FAF1: variants seen among roughly 807,000 people sequenced by gnomAD.
FAF1 encodes Fas associated factor 1.
In FAF1, 25 loss-of-function variants were observed where a neutral mutation model predicts 92.5. The ratio of observed to expected loss-of-function variants is 0.27; its 90% CI spans 0.20 to 0.38. FAF1 has a LOEUF of 0.38. Ranked by LOEUF, FAF1 falls within the 10% of genes least tolerant of loss-of-function variation. The probability of loss-of-function intolerance (pLI) is 1.00; values close to 1 mark genes in which losing one functional copy is unlikely to be tolerated. For missense variants in FAF1, 636 were observed against 793.3 expected, an observed-to-expected ratio of 0.80 and a Z score of 2.38; for synonymous variants, 234 against 273.2, an observed-to-expected ratio of 0.86 and a Z score of 1.42.
At chr1:50,926,235 A>G (rs995227178) in intron 1 of FAF1, among the ~76,000 whole-genome samples, 2 of 152,182 alleles carry the variant, frequency 1.3e-5, no homozygotes, top group African/African-American at 4.8e-5. Context: ...AAACAAACAA[A>G]CAAACAAAAC....
chr1:50,752,460 T>C (rs1659906221), intron 4 of FAF1, among the ~76,000 whole-genome samples: 1 of 152,232 alleles, frequency 6.6e-6, no homozygotes, highest in Non-Finnish European at 1.5e-5. Flanking sequence ...GTAATGTACG[T>C]AGGCGCTTCT....
At chr1:50,582,404 G>A in intron 12 of FAF1, 1 of 452,552 alleles carries the variant, frequency 2.2e-6, no homozygotes, top group South Asian at 5.2e-5. Context: ...ACAGAAAACG[G>A]TGCTTGCTTC....
chr1:50,697,780 T>C (rs1317398548), intron 7 of FAF1, among the ~76,000 whole-genome samples: 2 of 152,124 alleles, frequency 1.3e-5, no homozygotes, highest in Non-Finnish European at 2.9e-5. Flanking sequence ...TTAAAATCTT[T>C]TTTCTCTAAA....
In FAF1 at chr1:50,472,368, T is replaced by TACACACACACACACAC. The variant is rs71850142; in HGVS notation, c.1869+3080_1869+3095dup. 3.6e-4 allele frequency among the ~76,000 whole-genome samples: 45 copies of TACACACACACACACAC among 123,884 alleles called. 1 individual carries two copies. Among genetic ancestry groups the TACACACACACACACAC allele is most frequent in the South Asian group, 6.1e-4 (2 of 3,272 alleles). 81.3% of individuals were successfully genotyped at this position (123,884 alleles called of 152,430 possible). ...GTTATTAGCAAAATTGGGGAAAACA[T>TACACACACACACACAC]ACACACACACACACACACACACACA... On this transcript the variant is annotated intron_variant, in intron 18 of 18. Transcript: ENST00000396153.
At chr1:50,637,865 T>C (rs1472367148) in intron 8 of FAF1, among the ~76,000 whole-genome samples, 1 of 151,968 alleles carries the variant, frequency 6.6e-6, no homozygotes, top group African/African-American at 2.4e-5. Flanking sequence ...CCAAGTTTAA[T>C]AGTTGTAGCT....
intron 8 of FAF1, among the ~76,000 whole-genome samples, chr1:50,630,097 C>T (rs1017446694): frequency 2.6e-5 from 4 of 151,232 alleles, no homozygotes; most frequent in Non-Finnish European, 5.9e-5. Context: ...ATGCCTAGAA[C>T]AAAGTAAGAT....
Position 50,959,860 on chromosome 1 carries a change from G to C in FAF1, c.-49C>G. On this transcript the variant is annotated 5_prime_UTR_variant, in exon 1 of 19. Transcript: ENST00000396153. ...CCGGGAGCGAAGCGCGCACCTGGGAGGCAGACGGCACCTCCTGCGACCGTC... is the reference window on the plus strand; with the variant it reads ...CCGGGAGCGAAGCGCGCACCTGGGACGCAGACGGCACCTCCTGCGACCGTC... 6.9e-7 allele frequency: 1 copy of C among 1,451,420 alleles called. No individual in the cohort carries two copies. Among genetic ancestry groups the C allele is most frequent in the Non-Finnish European group, 9.3e-7 (1 of 1,079,048 alleles). 89.9% of individuals were successfully genotyped at this position (1,451,420 alleles called of 1,614,324 possible). A position where few individuals can be genotyped will look rare whatever the true frequency, so the allele number is the denominator to read the frequency against.
chr1:50,699,095 C>T (rs1657357235), intron 7 of FAF1, among the ~76,000 whole-genome samples: 1 of 152,042 alleles, frequency 6.6e-6, no homozygotes, highest in South Asian at 2.1e-4. Flanking sequence ...TTAAAATGAA[C>T]ATGGTGGCGG....
chr1:50,907,193 CG>C (rs1268650909), intron 1 of FAF1, among the ~76,000 whole-genome samples: 2 of 152,138 alleles, frequency 1.3e-5, no homozygotes, highest in Non-Finnish European at 2.9e-5. Context: ...TATTGATTTG[CG>C]TAAGTTGAAC....
intron 15 of FAF1, among the ~76,000 whole-genome samples, chr1:50,497,692 G>A (rs1646917553): frequency 6.6e-6 from 1 of 151,744 alleles, no homozygotes; most frequent in Admixed American, 6.6e-5. Context: ...GGGATTACAG[G>A]TGCATGCCAC....
chr1:50,735,561 A>G (rs1426762870), intron 6 of FAF1, among the ~76,000 whole-genome samples: 1 of 152,036 alleles, frequency 6.6e-6, no homozygotes, highest in African/African-American at 2.4e-5. Flanking sequence ...ATTACCAGGC[A>G]CCCCCTAGTG....
intron 8 of FAF1, among the ~76,000 whole-genome samples, chr1:50,614,794 G>A (rs923268197): frequency 4.1e-5 from 6 of 145,986 alleles, no homozygotes; most frequent in South Asian, 2.1e-4. Context: ...AGCCGAGATC[G>A]CGTCATTGCA....
chr1:50,500,986 A>C (rs1651416416), intron 15 of FAF1, among the ~76,000 whole-genome samples: 1 of 152,178 alleles, frequency 6.6e-6, no homozygotes, highest in Non-Finnish European at 1.5e-5. Flanking sequence ...AGCAACAATA[A>C]AATCTCTGTA....
At chr1:50,529,941 G>A (rs1400380671) in intron 15 of FAF1, among the ~76,000 whole-genome samples, 1 of 152,082 alleles carries the variant, frequency 6.6e-6, no homozygotes, top group Non-Finnish European at 1.5e-5. Flanking sequence ...AAAATCACTG[G>A]ATAAGTAACT....
intron 13 of FAF1, among the ~76,000 whole-genome samples, chr1:50,553,731 A>G (rs1649420613): frequency 6.6e-6 from 1 of 152,128 alleles, no homozygotes; most frequent in African/African-American, 2.4e-5. Context: ...AGAGGCAGGG[A>G]AAATAGGAAA....
chr1:50,701,900 A>G (rs975803108), intron 7 of FAF1, among the ~76,000 whole-genome samples: 2 of 152,076 alleles, frequency 1.3e-5, no homozygotes, highest in Non-Finnish European at 2.9e-5. Context: ...GAACAGTGAG[A>G]TTTCTGAGGT....
At chr1:50,708,261 T>G (rs1230007742) in intron 6 of FAF1, among the ~76,000 whole-genome samples, 2 of 152,152 alleles carry the variant, frequency 1.3e-5, no homozygotes, top group Admixed American at 1.3e-4. Flanking sequence ...GACAGTAGCT[T>G]GGACTAAGGT....
intron 4 of FAF1, among the ~76,000 whole-genome samples, chr1:50,759,359 T>A (rs1298641788): frequency 7.2e-6 from 1 of 138,562 alleles, no homozygotes; most frequent in African/African-American, 2.6e-5. Flanking sequence ...TGTCCAAGTG[T>A]TCTCATTGTT....
chr1:50,769,696 C>T (rs576299323), intron 4 of FAF1, among the ~76,000 whole-genome samples: 43 of 152,256 alleles, frequency 2.8e-4, no homozygotes, highest in African/African-American at 1.0e-3. Context: ...GCAAAAACCA[C>T]ATGATCATTT....
Sources: allele counts gnomAD v4.1 joint callset (sites outside exome capture counted in the v4.1 genomes callset), GRCh38; gene constraint gnomAD v4.1.1; transcripts MANE v1.5; gene names NCBI Gene and HGNC (gene_info 2026-07-23, HGNC 2026-07-21).